Variants in OTUD7A observed in about 807,000 individuals in gnomAD.
OTUD7A encodes the protein OTU deubiquitinase 7A.
A neutral mutation model predicts 65.7 loss-of-function variants in OTUD7A; 12 were observed. The observed-to-expected ratio is 0.18, with a 90% confidence interval of 0.12 to 0.30. The LOEUF (loss-of-function observed/expected upper bound fraction) is 0.30. Among genes scored for constraint, OTUD7A ranks in the 10% least tolerant of loss-of-function variants. The pLI is 1.00. For missense variants in OTUD7A, 1,148 were observed against 1,304.8 expected, an observed-to-expected ratio of 0.88 and a Z score of 1.85; for synonymous variants, 641 against 586.3, an observed-to-expected ratio of 1.09 and a Z score of -1.35.
intron 1 of OTUD7A, among the ~76,000 whole-genome samples, chr15:31,732,395 C>CA (rs749633505): frequency 2.0e-5 from 3 of 152,236 alleles, no homozygotes; most frequent in African/African-American, 2.4e-5. Context: ...TAAAAGGGTA[C>CA]ATGTGGCCTC....
At chr15:31,556,383 C>T (rs772848416) in intron 5 of OTUD7A, 6 of 152,198 alleles carry the variant, frequency 3.9e-5, no homozygotes, top group African/African-American at 4.8e-5. Flanking sequence ...TGGTTCTCTT[C>T]GTGGTGCCCA....
At chr15:31,686,349 A>G (rs150656898) in intron 1 of OTUD7A, among the ~76,000 whole-genome samples, 2 of 152,216 alleles carry the variant, frequency 1.3e-5, no homozygotes, top group African/African-American at 4.8e-5. Flanking sequence ...AAGACTAGAG[A>G]GCTCAGGTTT....
At chr15:31,840,191 G>A (rs1897149512) in intron 1 of OTUD7A, among the ~76,000 whole-genome samples, 1 of 152,164 alleles carries the variant, frequency 6.6e-6, no homozygotes, top group Non-Finnish European at 1.5e-5. Flanking sequence ...AGGCCAAGGT[G>A]AGTGGATCAC....
At chr15:31,486,361 C>T (rs1321452698) in intron 12 of OTUD7A, among the ~76,000 whole-genome samples, 1 of 152,206 alleles carries the variant, frequency 6.6e-6, no homozygotes, top group Non-Finnish European at 1.5e-5. Context: ...AGATGACGTA[C>T]AGGCAGAGGC....
intron 1 of OTUD7A, among the ~76,000 whole-genome samples, chr15:31,787,066 C>G (rs750318926): frequency 6.6e-6 from 1 of 152,146 alleles, no homozygotes; most frequent in Non-Finnish European, 1.5e-5. Context: ...CATACATGGC[C>G]AGAGATGTGG....
At chr15:31,633,130 C>T (rs1891231595) in intron 3 of OTUD7A, among the ~76,000 whole-genome samples, 1 of 152,304 alleles carries the variant, frequency 6.6e-6, no homozygotes, top group Admixed American at 6.5e-5. Flanking sequence ...CACCCACTGT[C>T]CTGCACCCAC....
rs779033441 is a variant in OTUD7A at position 31,487,417 on chromosome 15, T to G, written c.1286+35A>C. On this transcript the variant is annotated intron_variant, in intron 11 of 12. Transcript: ENST00000307050. This position sits in a 1 kb window ranked among gnomAD's most constrained non-coding sequence, Gnocchi z 6.0. ...GATGCCCCAGCCATAGCCCTCCCTG[T>G]GGGCGCTGGGGAAAGGGACAGAGTA... 1 of 1,603,280 alleles carries G rather than the reference T, an allele frequency of 6.2e-7. No homozygotes were observed. The highest frequency in any genetic ancestry group is 1.1e-5 in the South Asian group (1 of 90,232).
intron 3 of OTUD7A, among the ~76,000 whole-genome samples, chr15:31,638,850 T>G (rs1891423604): frequency 6.6e-6 from 1 of 152,176 alleles, no homozygotes; most frequent in South Asian, 2.1e-4. Flanking sequence ...AAAAGATTCC[T>G]CAGGCCAGGT....
At chr15:31,701,703 C>T (rs1196458117) in intron 1 of OTUD7A, among the ~76,000 whole-genome samples, 2 of 151,794 alleles carry the variant, frequency 1.3e-5, no homozygotes, top group Admixed American at 6.6e-5. Flanking sequence ...GATGGTTTCA[C>T]TGGAGAATTC....
At position 31,626,205 on chromosome 15, in the gene OTUD7A, A is replaced by C. The variant is rs542518370; in HGVS notation, c.151+28891T>G. Among the ~76,000 whole-genome samples, 7 of 152,336 alleles carry C rather than the reference A, an allele frequency of 4.6e-5. No homozygotes were observed. In the East Asian group the frequency reaches 1.4e-3, roughly 29 times the overall value. On this transcript the variant is annotated intron_variant, in intron 3 of 12. Transcript: ENST00000307050. ...TAGATTTTACCATAAAGAACCAAAA[A>C]CATATTGCACTCCAGTTAATAATAG...
At chr15:31,496,143 G>A (rs1566883711) in intron 10 of OTUD7A, among the ~76,000 whole-genome samples, 1 of 148,526 alleles carries the variant, frequency 6.7e-6, no homozygotes, top group East Asian at 2.0e-4. Context: ...GTAATGTCTT[G>A]TAATAGGCAT....
intron 10 of OTUD7A, among the ~76,000 whole-genome samples, chr15:31,499,633 G>T (rs898212): frequency 0.64 from 97,572 of 152,208 alleles, 31,680 homozygotes; most frequent in African/African-American, 0.75. Flanking sequence ...CAAGGGTGCA[G>T]GTGACAAAGA....
intron 1 of OTUD7A, among the ~76,000 whole-genome samples, chr15:31,719,857 T>G (rs1439698034): frequency 6.6e-6 from 1 of 151,984 alleles, no homozygotes; most frequent in Non-Finnish European, 1.5e-5. Flanking sequence ...ACACTCCCTC[T>G]GGCTACTCCC....
At chr15:31,780,876 C>G (rs926448908) in intron 1 of OTUD7A, among the ~76,000 whole-genome samples, 2 of 152,242 alleles carry the variant, frequency 1.3e-5, no homozygotes, top group African/African-American at 2.4e-5. Flanking sequence ...AAAAAGTCAA[C>G]AGCTTCTGTC....
intron 1 of OTUD7A, among the ~76,000 whole-genome samples, chr15:31,861,089 C>T (rs1379420114): frequency 6.6e-6 from 1 of 152,036 alleles, no homozygotes; most frequent in Non-Finnish European, 1.5e-5. Flanking sequence ...CAGGGCTTCC[C>T]TTCCCCTTGA....
chr15:31,730,901 G>GC (rs1432540953), intron 1 of OTUD7A, among the ~76,000 whole-genome samples: 3 of 152,236 alleles, frequency 2.0e-5, no homozygotes, highest in African/African-American at 7.2e-5. Flanking sequence ...CTCAGGTACT[G>GC]CATGCTTTCT....
chr15:31,504,894 TA>T (rs531352523), intron 8 of OTUD7A, among the ~76,000 whole-genome samples: 122 of 81,188 alleles, frequency 1.5e-3, no homozygotes, highest in Admixed American at 6.4e-3. Flanking sequence ...TGACTCAATT[TA>T]CCTTTTTTTT....
chr15:31,695,041 T>C (rs1893044512), intron 1 of OTUD7A, among the ~76,000 whole-genome samples: 1 of 152,110 alleles, frequency 6.6e-6, no homozygotes, highest in Admixed American at 6.5e-5. Flanking sequence ...GAGACGGGGT[T>C]TCACCGTGTT....
At chr15:31,662,358 T>C (rs1892189516) in intron 1 of OTUD7A, among the ~76,000 whole-genome samples, 1 of 152,256 alleles carries the variant, frequency 6.6e-6, no homozygotes, top group African/African-American at 2.4e-5. Context: ...GTTGGTTCAC[T>C]AGCTTCCTTC....
Sources: allele counts gnomAD v4.1 joint callset (sites outside exome capture counted in the v4.1 genomes callset), GRCh38; gene constraint gnomAD v4.1.1; non-coding constraint Gnocchi (gnomAD v3.1); transcripts MANE v1.5; gene names NCBI Gene and HGNC (gene_info 2026-07-23, HGNC 2026-07-21).